ZNF534: variants seen among roughly 807,000 people sequenced by gnomAD.
The protein encoded by ZNF534 is KRAB domain only 3.
In ZNF534, 19 loss-of-function variants were observed where a neutral mutation model predicts 13.6. The ratio of observed to expected loss-of-function variants is 1.40; its 90% CI spans 0.97 to 2.05. The LOEUF (loss-of-function observed/expected upper bound fraction) is 2.05. ZNF534 is among the 30% of genes most tolerant of loss of function. ZNF534 has a pLI of 0.00. For missense variants in ZNF534, 782 were observed against 796.3 expected (o/e 0.98, Z 0.22); for synonymous variants, 244 against 273.8 (o/e 0.89, Z 1.07).
chr19:52,443,221 G>C (rs2059182763), downstream of ZNF534, among the ~76,000 whole-genome samples: 2 of 152,170 alleles, frequency 1.3e-5, no homozygotes, highest in African/African-American at 2.4e-5. Flanking sequence ...ATAACCTGAT[G>C]ACAGTGTGCC....
chr19:52,443,971 A>G (rs1266153800), downstream of ZNF534, among the ~76,000 whole-genome samples: 2 of 152,026 alleles, frequency 1.3e-5, no homozygotes, highest in Non-Finnish European at 2.9e-5. Context: ...GATTAGCTTA[A>G]TAACTGACCT....
chr19:52,441,650 T>C lies in ZNF534; in HGVS notation c.*2204T>C, dbSNP rs1482968450. On this transcript the variant is annotated 3_prime_UTR_variant, in exon 5 of 5. Transcript: ENST00000433050. Reference sequence around the variant, plus strand: ...CATTTAGATAATGTTCAGGCTTTACTGCCCATCTTGTAATCCATACTGCAG... The same window carrying C: ...CATTTAGATAATGTTCAGGCTTTACCGCCCATCTTGTAATCCATACTGCAG... Among the ~76,000 whole-genome samples the C allele has an allele frequency of 6.6e-6, 1 of 152,262 alleles. No homozygotes were observed.
chr19:52,451,065 G>A (rs324105), intron 4 of ZNF534: 11,123 of 536,054 alleles, frequency 0.021, 1,011 homozygotes, highest in African/African-American at 0.19. Flanking sequence ...TGTACATTGC[G>A]TTTGGTAGTA....
At chr19:52,447,995 A>C (rs2059200306) in intron 4 of ZNF534, among the ~76,000 whole-genome samples, 1 of 152,032 alleles carries the variant, frequency 6.6e-6, no homozygotes, top group South Asian at 2.1e-4. Context: ...AATTGTATAT[A>C]ATTGCTGTTA....
rs2059174884 is a variant in ZNF534, at chr19:52,441,857, T to C, written c.*2411T>C. ...ATGCAACATATGTGGTAAAATGTTT[T>C]AGTCACAATTCACACCTTGGACAGC... On this transcript the variant is annotated 3_prime_UTR_variant, in exon 5 of 5. Coordinates refer to ENST00000433050, the MANE Select transcript of ZNF534 (RefSeq NM_001143938.3). 6.6e-6 allele frequency among the ~76,000 whole-genome samples: 1 copy of C among 152,208 alleles called. No homozygotes were observed. The highest frequency in any genetic ancestry group is 6.5e-5 in the Admixed American group (1 of 15,278).
rs373262946 is a variant in ZNF534, at chr19:52,438,022, T to C, written c.562T>C (p.Cys188Arg). 75 of 1,614,048 alleles carry C rather than the reference T, an allele frequency of 4.6e-5. No homozygotes were observed. Among genetic ancestry groups the C allele is most frequent in the Non-Finnish European group, 6.2e-5 (73 of 1,180,050 alleles). Residue 188 changes from cysteine to arginine, a missense_variant, in exon 5 of 5, where the codon TGT becomes CGT. By Grantham distance (180) the Cys-to-Arg change is radical. Transcript: ENST00000433050. ...KVHIREKPYG[C>R]NEHGKVFRVS... Reference sequence around the variant, plus strand: ...ACACATTAGGGAAAAGCCTTATGGATGTAATGAGCATGGGAAAGTCTTCAG... The same window carrying C: ...ACACATTAGGGAAAAGCCTTATGGACGTAATGAGCATGGGAAAGTCTTCAG...
exon 5 of ZNF534, chr19:52,451,332 C>T (rs1181231813): frequency 5.4e-6 from 6 of 1,119,746 alleles, no homozygotes; most frequent in Non-Finnish European, 8.0e-6. Flanking sequence ...CATTTCCTTC[C>T]GTTTCTGCTT....
chr19:52,451,330 T>C (rs543233484), exon 5 of ZNF534: 5 of 1,126,248 alleles, frequency 4.4e-6, no homozygotes, highest in Non-Finnish European at 6.6e-6. Flanking sequence ...ACCATTTCCT[T>C]CCGTTTCTGC....
intron 1 of ZNF534, among the ~76,000 whole-genome samples, chr19:52,429,954 C>T (rs2122645115): frequency 6.8e-6 from 1 of 146,024 alleles, no homozygotes; most frequent in South Asian, 2.1e-4. Flanking sequence ...TTCATGTAAC[C>T]CTTTTTTTTT....
intron 1 of ZNF534, among the ~76,000 whole-genome samples, chr19:52,430,493 A>C (rs530793493): frequency 6.6e-6 from 1 of 152,224 alleles, no homozygotes; most frequent in African/African-American, 2.4e-5. Context: ...ACTGTGATCC[A>C]CAGAGGGCTG....
intron 4 of ZNF534, among the ~76,000 whole-genome samples, chr19:52,449,392 CAGTGGAATTGCTGGATCATA>C (rs2122729383): frequency 1.3e-5 from 2 of 151,602 alleles, no homozygotes; most frequent in Non-Finnish European, 2.9e-5. Flanking sequence ...CTCTTTCCAA[CAGTGGAATTGCTGGATCATA>C]TGGTAGTTCT....
rs762586684 is a variant in ZNF534 at position 52,438,284 on chromosome 19, G to T, written c.824G>T (p.Cys275Phe). The T allele has an allele frequency of 1.9e-6, 3 of 1,605,582 alleles. No homozygotes were observed. The South Asian group carries it at 3.3e-5, about 18-fold the overall frequency. ...CAGAAACCTTACAATAACAAAGAATGTGGGAAAGTCTTTAGTCACCATGCC... is the reference window on the plus strand; with the variant it reads ...CAGAAACCTTACAATAACAAAGAATTTGGGAAAGTCTTTAGTCACCATGCC... ...TGQKPYNNKECGKVFSHHAYL... is the reference protein window; with the variant it reads ...TGQKPYNNKEFGKVFSHHAYL... Residue 275 changes from cysteine (C) to phenylalanine (F), a missense_variant, in exon 5 of 5, where the codon TGT becomes TTT. Cys to Phe is a radical substitution (Grantham distance 205). Transcript: ENST00000433050.
chr19:52,437,667 T>C, intron 4 of ZNF534, 65 bp from the exon 5 acceptor site: 1 of 1,430,098 alleles, frequency 7.0e-7, no homozygotes, highest in Non-Finnish European at 9.3e-7. Flanking sequence ...CAGAATCTTG[T>C]TTTCTGTCAG....
rs2059166795 is a variant in ZNF534, at chr19:52,440,744, ACAC to A, written c.*1299_*1301del. Among the ~76,000 whole-genome samples, 1 of 150,780 alleles carries A rather than the reference ACAC, an allele frequency of 6.6e-6. No individual in the cohort carries two copies. The highest frequency in any genetic ancestry group is 1.5e-5 in the Non-Finnish European group (1 of 67,856). ...TGCAGTGAGCCAAGAATGCGCTACT[ACAC>A]TCCAGCCTGTGTGACAGTGAGATTC... On this transcript the variant is annotated 3_prime_UTR_variant, in exon 5 of 5. Coordinates refer to ENST00000433050, the MANE Select transcript of ZNF534 (RefSeq NM_001143938.3).
chr19:52,432,692 A>G (rs111940854), intron 2 of ZNF534, among the ~76,000 whole-genome samples: 20,999 of 151,418 alleles, frequency 0.14, 1,782 homozygotes, highest in African/African-American at 0.25. Context: ...GAGTGCAATG[A>G]TGCAATCTCG....
Position 52,438,016 on chromosome 19 carries a change from T to A in ZNF534, c.556T>A (p.Tyr186Asn). Residue 186 changes from tyrosine (Y) to asparagine (N), a missense_variant, in exon 5 of 5, where the codon TAT (tyrosine) becomes AAT (asparagine). By Grantham distance (143) the Tyr-to-Asn change is moderately radical (BLOSUM62 -2). Coordinates refer to ENST00000433050, the MANE Select transcript of ZNF534 (RefSeq NM_001143938.3). ...EQKVHIREKP[Y>N]GCNEHGKVFR... ...GAAAGTACACATTAGGGAAAAGCCT[T>A]ATGGATGTAATGAGCATGGGAAAGT... 1.2e-6 allele frequency: 2 copies of A among 1,614,146 alleles called. No homozygotes were observed. Among genetic ancestry groups the A allele is most frequent in the Non-Finnish European group, 1.7e-6 (2 of 1,180,032 alleles).
Position 52,434,078 on chromosome 19 carries a change from CT to C in ZNF534, c.140del (p.Leu47GlnfsTer8), listed in dbSNP as rs1323280668. The C allele has an allele frequency of 4.3e-6, 7 of 1,613,454 alleles. No individual in the cohort carries two copies. The African/African-American group carries it at 9.4e-5, about 22-fold the overall frequency. On this transcript the variant is annotated frameshift_variant and splice_region_variant, in exon 3 of 5. Transcript: ENST00000433050. LOFTEE classifies it high-confidence loss of function. The part of the protein sequence containing the change: ...MLENYRNLVS[L>X]GICLPDLSVT... The stretch of plus-strand genomic sequence containing the variant: ...AGAGAACTACAGGAACCTGGTCTCC[CT>C]AGGTGAGGATAATGTCCGTCCAGAA...
Position 52,452,036 on chromosome 19 carries a change from TAA to T in ZNF534, c.*541_*542del, listed in dbSNP as rs375908258. 1.2e-3 allele frequency: 265 copies of T among 212,264 alleles called. 1 individual carries two copies. Among genetic ancestry groups the T allele is most frequent in the African/African-American group, 6.0e-3 (254 of 42,596 alleles). 13.1% of individuals were successfully genotyped at this position (212,264 alleles called of 1,614,324 possible). A position where few individuals can be genotyped will look rare whatever the true frequency, so the allele number is the denominator to read the frequency against. ...AGTGTTTTGGTGTTTTACACTTCTG[TAA>T]ACTTACTAGCTTTACCTTCTAAAAG... On this transcript the variant is annotated 3_prime_UTR_variant, in exon 5 of 5. Transcript: ENST00000301085.
rs1314639298 is a variant in ZNF534, at chr19:52,442,311, C to T, written c.*2865C>T. On this transcript the variant is annotated 3_prime_UTR_variant, in exon 5 of 5. Transcript: ENST00000433050. Reference sequence around the variant, plus strand: ...TGGCCCACCCAGGGCAGAAAAACCGCTTAAGGCGTTCCAGAACCACAAATA... The same window carrying T: ...TGGCCCACCCAGGGCAGAAAAACCGTTTAAGGCGTTCCAGAACCACAAATA... 6.6e-6 allele frequency among the ~76,000 whole-genome samples: 1 copy of T among 152,228 alleles called. No homozygotes were observed. Among genetic ancestry groups the T allele is most frequent in the Non-Finnish European group, 1.5e-5 (1 of 68,042 alleles).
Sources: allele counts gnomAD v4.1 joint callset (sites outside exome capture counted in the v4.1 genomes callset), GRCh38; gene constraint gnomAD v4.1.1; transcripts MANE v1.5; gene names NCBI Gene and HGNC (gene_info 2026-07-23, HGNC 2026-07-21).